Variants in FRYL observed in about 807,000 individuals in gnomAD.
FRYL encodes the protein FRY like transcription coactivator.
FRYL carries 150 observed loss-of-function variants against 351.2 expected under a neutral mutation model. The observed-to-expected ratio is 0.43, with a 90% CI of 0.37 to 0.49. The LOEUF is 0.49. FRYL is among the 20% of genes least tolerant of loss of function. FRYL has a pLI of 0.00. For synonymous variants in FRYL, 1,153 were observed against 1,257.1 expected (o/e 0.92, Z 1.75); for missense variants, 3,036 against 3,619.3 (o/e 0.84, Z 4.13).
intron 4 of FRYL, among the ~76,000 whole-genome samples, chr4:48,630,239 A>C (rs1366439312): frequency 4.6e-5 from 7 of 152,172 alleles, no homozygotes; most frequent in Non-Finnish European, 1.0e-4. Flanking sequence ...CTGGACTTCC[A>C]ATCAACTGTG....
chr4:48,525,163 GTATATATATATA>G (rs57457069), intron 53 of FRYL, among the ~76,000 whole-genome samples: 47 of 139,924 alleles, frequency 3.4e-4, no homozygotes, highest in African/African-American at 1.2e-3. Flanking sequence ...ATTTTTAAAG[GTATATATATATA>G]TATATATATA....
intron 2 of FRYL, among the ~76,000 whole-genome samples, chr4:48,690,937 T>A (rs947408465): frequency 1.3e-5 from 2 of 152,194 alleles, no homozygotes; most frequent in Non-Finnish European, 2.9e-5. Context: ...CTCAAGGTCA[T>A]AAAGCAAGTA....
At chr4:48,531,095 G>T in intron 50 of FRYL, 61 bp downstream of exon 50, 1 of 1,081,212 alleles carries the variant, frequency 9.2e-7, no homozygotes, top group Non-Finnish European at 1.4e-6. Flanking sequence ...ATCAAAGAAT[G>T]AATAAATAAA....
chr4:48,661,890 A>G (rs1760802394), intron 3 of FRYL, among the ~76,000 whole-genome samples: 1 of 152,246 alleles, frequency 6.6e-6, no homozygotes, highest in African/African-American at 2.4e-5. Flanking sequence ...TAAAAGACTC[A>G]AATAAAATGG....
rs1461594088 is a variant in FRYL, at chr4:48,656,314, T to TTATATAATATA, written c.-80-21825_-80-21824insTATATTATATA. On this transcript the variant is annotated intron_variant, in intron 3 of 63. Transcript: ENST00000358350. ...ATAAATTTGTATATTATATTATATA[T>TTATATAATATA]TACATAATATATACTAAATATATTA... Among the ~76,000 whole-genome samples the TTATATAATATA allele has an allele frequency of 3.7e-3, 496 of 134,574 alleles. 12 individuals carry two copies. Among genetic ancestry groups the TTATATAATATA allele is most frequent in the African/African-American group, 0.013 (475 of 36,712 alleles). The allele number at this position is 134,574 out of a possible 152,430, so 88.3% of individuals were successfully genotyped here. A position where few individuals can be genotyped will look rare whatever the true frequency, so the allele number is the denominator to read the frequency against.
In FRYL at chr4:48,557,010, C is replaced by G; in HGVS notation, c.4234G>C (p.Gly1412Arg). Reference protein sequence around the residue: ...IILHFLISICGVNSEPSLLPY... With the variant: ...IILHFLISICRVNSEPSLLPY... ...AAGAGGCTTGGTTCGCTATTCACCCCACAAATGCTGATCAAAAAGTGCAAA... is the reference window on the plus strand; with the variant it reads ...AAGAGGCTTGGTTCGCTATTCACCCGACAAATGCTGATCAAAAAGTGCAAA... Residue 1412 changes from glycine to arginine, a missense_variant, in exon 35 of 64, where the codon GGG (glycine) becomes CGG (arginine). By Grantham distance (125) the Gly-to-Arg change is moderately radical (BLOSUM62 -2). Transcript: ENST00000358350. The G allele has an allele frequency of 6.2e-7, 1 of 1,605,766 alleles. No individual in the cohort carries two copies. The highest frequency in any genetic ancestry group is 1.1e-5 in the South Asian group (1 of 89,720).
rs1732258819 is a variant in FRYL at position 48,549,754 on chromosome 4, T to C, written c.4634-131A>G. On this transcript the variant is annotated intron_variant, in intron 38 of 63. Transcript: ENST00000358350. The surrounding 1 kb of genome is among the most constrained non-coding windows in gnomAD (Gnocchi z 4.2). Reference sequence around the variant, plus strand: ...AAAAATTTCCCACTATTTCAACATGTTTGCTAGGAAAATCTAGGCACAAAT... The same window carrying C: ...AAAAATTTCCCACTATTTCAACATGCTTGCTAGGAAAATCTAGGCACAAAT... 2 of 675,512 alleles carry C rather than the reference T, an allele frequency of 3.0e-6. No homozygotes were observed. The highest frequency in any genetic ancestry group is 3.0e-5 in the East Asian group (1 of 33,876). The allele number at this position is 675,512 out of a possible 1,614,324, so 41.8% of individuals were successfully genotyped here. A position where few individuals can be genotyped will look rare whatever the true frequency, so the allele number is the denominator to read the frequency against.
At chr4:48,674,154 T>C (rs1763167542) in intron 3 of FRYL, among the ~76,000 whole-genome samples, 1 of 152,204 alleles carries the variant, frequency 6.6e-6, no homozygotes, top group African/African-American at 2.4e-5. Flanking sequence ...GTTGATTCCA[T>C]CAGAATAAAA....
rs965947596 is a variant in FRYL at position 48,528,722 on chromosome 4, A to G, written c.6904-386T>C. On this transcript the variant is annotated intron_variant, in intron 50 of 63. Transcript: ENST00000358350. The stretch of plus-strand genomic sequence containing the variant: ...TCTGTTTTCTTACCACTCAGACTTA[A>G]TATTTGTTAAATTTTGGCGCTTTTT... 3.4e-4 allele frequency among the ~76,000 whole-genome samples: 52 copies of G among 152,254 alleles called. 1 individual carries two copies. Among genetic ancestry groups the G allele is most frequent in the African/African-American group, 1.1e-3 (47 of 41,546 alleles).
chr4:48,521,510 T>G (rs1456728232), intron 54 of FRYL, among the ~76,000 whole-genome samples: 7 of 152,220 alleles, frequency 4.6e-5, no homozygotes, highest in African/African-American at 9.6e-5. Flanking sequence ...ATATTGGAGC[T>G]GAATTCATAT....
At chr4:48,671,732 A>G (rs1480378499) in intron 3 of FRYL, among the ~76,000 whole-genome samples, 3 of 151,776 alleles carry the variant, frequency 2.0e-5, no homozygotes, top group African/African-American at 7.3e-5. Flanking sequence ...GCACGTCTGT[A>G]ATCCCAGCTA....
intron 4 of FRYL, 80 bp downstream of exon 4, chr4:48,634,211 T>C (rs1215563270): frequency 9.6e-7 from 1 of 1,039,700 alleles, no homozygotes; most frequent in East Asian, 2.4e-5. Flanking sequence ...AGTATATTAT[T>C]TCCTTTGAAA....
intron 7 of FRYL, among the ~76,000 whole-genome samples, chr4:48,611,719 T>G (rs768433853): frequency 6.6e-6 from 1 of 152,152 alleles, no homozygotes; most frequent in African/African-American, 2.4e-5. Flanking sequence ...ATAAAACAAT[T>G]TGAAGTAACT....
chr4:48,553,130 T>C (rs1475892068), intron 36 of FRYL, 85 bp downstream of exon 36: 15 of 990,598 alleles, frequency 1.5e-5, no homozygotes, highest in Admixed American at 9.9e-5. Context: ...TTATGGGACA[T>C]AGAGACCCTA....
Position 48,665,445 on chromosome 4 carries a change from A to G in FRYL, c.-81+19228T>C, listed in dbSNP as rs1761537774. Among the ~76,000 whole-genome samples, 3 of 152,304 alleles carry G rather than the reference A, an allele frequency of 2.0e-5. No individual in the cohort carries two copies. In the South Asian group the frequency reaches 6.2e-4, roughly 32 times the overall value. On this transcript the variant is annotated intron_variant, in intron 3 of 63. Transcript: ENST00000358350. The stretch of plus-strand genomic sequence containing the variant: ...GAAATATTTAATTACTTGAAACAAC[A>G]GTTTTTGAAGATATTGTTAATTAAA...
At position 48,623,498 on chromosome 4, in the gene FRYL, G is replaced by A. The variant is rs555050821; in HGVS notation, c.121-319C>T. Among the ~76,000 whole-genome samples, 8 of 152,302 alleles carry A rather than the reference G, an allele frequency of 5.3e-5. No individual in the cohort carries two copies. In the South Asian group the frequency reaches 1.7e-3, roughly 32 times the overall value. The stretch of plus-strand genomic sequence containing the variant: ...AGACTTAAAGTTCAACATAGGTTTT[G>A]TTTAGATTCAAGTTCAAAAGTCAAC... On this transcript the variant is annotated intron_variant, in intron 4 of 63. Transcript: ENST00000358350.
chr4:48,634,074 T>C (rs1365122944), intron 4 of FRYL, among the ~76,000 whole-genome samples: 7 of 152,248 alleles, frequency 4.6e-5, no homozygotes, highest in Non-Finnish European at 1.0e-4. Flanking sequence ...CTATGTTTTA[T>C]TTGTTTCCAC....
Position 48,515,010 on chromosome 4 carries a change from A to G in FRYL, c.7937+18T>C, listed in dbSNP as rs1308793725. 12 of 1,603,956 alleles carry G rather than the reference A, an allele frequency of 7.5e-6. No homozygotes were observed. Among genetic ancestry groups the G allele is most frequent in the Non-Finnish European group, 1.0e-5 (12 of 1,172,960 alleles). On this transcript the variant is annotated intron_variant, in intron 56 of 63. Transcript: ENST00000358350. ...AGATTATCCCCTCACTACAGTGTTT[A>G]TGATACTGTATTCTCACCTAGACAG...
At chr4:48,610,816 T>A (rs1748011901) in intron 7 of FRYL, among the ~76,000 whole-genome samples, 1 of 148,522 alleles carries the variant, frequency 6.7e-6, no homozygotes, top group African/African-American at 2.5e-5. Context: ...TATGTATATA[T>A]GTATACACTC....
Sources: allele counts gnomAD v4.1 joint callset (sites outside exome capture counted in the v4.1 genomes callset), GRCh38; gene constraint gnomAD v4.1.1; non-coding constraint Gnocchi (gnomAD v3.1); transcripts MANE v1.5; gene names NCBI Gene and HGNC (gene_info 2026-07-23, HGNC 2026-07-21).